Variants in AP5B1 observed in about 807,000 individuals in gnomAD.
AP5B1 encodes adaptor related protein complex 5 subunit beta 1.
Under a neutral mutation model 5.7 loss-of-function variants are expected in AP5B1, and 3 were observed. The observed-to-expected ratio is 0.53, with a 90% confidence interval of 0.24 to 1.36. The LOEUF (loss-of-function observed/expected upper bound fraction) is 1.36. AP5B1 is among the 40% of genes most tolerant of loss of function. AP5B1 has a pLI of 0.17. For missense variants in AP5B1, 1,310 were observed against 1,143.2 expected (o/e 1.15, Z -2.10); for synonymous variants, 696 against 555.5 (o/e 1.25, Z -3.56).
chr11:65,779,710 A>G lies in AP5B1; in HGVS notation c.783T>C (p.Pro261=). The change falls in exon 2 of 2, where the codon CCT becomes CCC. Residue 261 remains proline (P), a synonymous_variant. Coordinates refer to ENST00000532090, the MANE Select transcript of AP5B1 (RefSeq NM_138368.5). ...ERSLTAREHS[P]EEARELRAAV... is the part of the protein sequence containing the mutation. ...CAGCCCGCAGCTCCCGCGCCTCCTC[A>G]GGGCTGTGCTCTCGTGCTGTAAGGC... 3 of 1,611,222 alleles carry G rather than the reference A, an allele frequency of 1.9e-6. No homozygotes were observed. The highest frequency in any genetic ancestry group is 2.5e-6 in the Non-Finnish European group (3 of 1,178,932).
rs372599668 is a variant in AP5B1 at position 65,778,104 on chromosome 11, G to A, written c.2389C>T (p.Arg797Cys). The change falls in exon 2 of 2, where the codon CGT (arginine) becomes TGT (cysteine). Residue 797 changes from arginine to cysteine, a missense_variant. Physicochemically the swap from Arg to Cys is radical, Grantham distance 180. Transcript: ENST00000532090. Reference sequence around the variant, plus strand: ...TGTGGCCCAAGTGGACACCACACACGACTCTCAGCACCCTCTGGCAGGCAG... The same window carrying A: ...TGTGGCCCAAGTGGACACCACACACAACTCTCAGCACCCTCTGGCAGGCAG... ...DSCLPEGAES[R>C]VWCPLGPQGL... 65 of 1,612,820 alleles carry A rather than the reference G, an allele frequency of 4.0e-5. No individual in the cohort carries two copies. The highest frequency in any genetic ancestry group is 3.3e-4 in the Middle Eastern group (2 of 6,062).
Position 65,778,468 on chromosome 11 carries a change from G to A in AP5B1, c.2025C>T (p.Gly675=), listed in dbSNP as rs370497772. The A allele has an allele frequency of 1.3e-6, 2 of 1,572,092 alleles. No homozygotes were observed. The highest frequency in any genetic ancestry group is 1.1e-5 in the South Asian group (1 of 87,090). The change falls in exon 2 of 2, where the codon GGC becomes GGT. Residue 675 remains glycine (G), a synonymous_variant. Transcript: ENST00000532090. ...RLSLGSHRVK[G]PLPVLKLQPE... Reference sequence around the variant, plus strand: ...GCTGGAGCTTCAACACTGGGAGTGGGCCCTTGACCCGATGGGACCCCAGGC... The same window carrying A: ...GCTGGAGCTTCAACACTGGGAGTGGACCCTTGACCCGATGGGACCCCAGGC...
rs1302073430 is a variant in AP5B1 at position 65,779,983 on chromosome 11, C to T, written c.510G>A (p.Gly170=). The T allele has an allele frequency of 6.4e-7, 1 of 1,572,872 alleles. No individual in the cohort carries two copies. Among genetic ancestry groups the T allele is most frequent in the Admixed American group, 1.9e-5 (1 of 53,608 alleles). The part of the protein sequence containing the change: ...CKPGLLGGSL[G]LLRGLLGQEG... The stretch of plus-strand genomic sequence containing the variant: ...CCTGCCCCAGCAGGCCCCGCAGCAA[C>T]CCCAGGGAGCCCCCCAGCAGCCCGG... The change falls in exon 2 of 2, where the codon GGG becomes GGA. Residue 170 remains glycine, a synonymous_variant. Transcript: ENST00000532090.
Position 65,779,764 on chromosome 11 carries a change from C to T in AP5B1, c.729G>A (p.Pro243=). The part of the protein sequence containing the change: ...GRLQPQAPSW[P]AAEEGEGERS... ...GCTCCCCCTCTCCCTCCTCAGCTGC[C>T]GGCCAGCTGGGTGCCTGGGGCTGAA... The change falls in exon 2 of 2, where the codon CCG becomes CCA. Residue 243 remains proline, a synonymous_variant. Transcript: ENST00000532090. The T allele has an allele frequency of 6.3e-7, 1 of 1,586,962 alleles. No homozygotes were observed. Among genetic ancestry groups the T allele is most frequent in the East Asian group, 2.2e-5 (1 of 44,630 alleles).
rs1170898124 is a variant in AP5B1 at position 65,780,350 on chromosome 11, G to C, written c.151-8C>G. On this transcript the variant is annotated splice_region_variant and splice_polypyrimidine_tract_variant and intron_variant, in intron 1 of 1. Coordinates refer to ENST00000532090, the MANE Select transcript of AP5B1 (RefSeq NM_138368.5). ...CAGGGCCAGCAGGGAAACCTGGATG[G>C]GGGATTAGGAGGGAATCACGAAGAT... 2.0e-6 allele frequency: 3 copies of C among 1,466,740 alleles called. No homozygotes were observed. In the South Asian group the frequency reaches 4.2e-5, roughly 20 times the overall value. The allele number at this position is 1,466,740 out of a possible 1,614,324, so 90.9% of individuals were successfully genotyped here. A position where few individuals can be genotyped will look rare whatever the true frequency, so the allele number is the denominator to read the frequency against.
chr11:65,780,090 G>T lies in AP5B1; in HGVS notation c.403C>A (p.Arg135=). The change falls in exon 2 of 2, where the codon CGA becomes AGA. Residue 135 remains arginine (R), a synonymous_variant. Coordinates refer to ENST00000532090, the MANE Select transcript of AP5B1 (RefSeq NM_138368.5). The stretch of plus-strand genomic sequence containing the variant: ...TGTTCCGAGGCGGGGACAAAGCCTC[G>T]CCCCAGATCGCTACCCGCGGCCAGG... ...LGLAAGSDLG[R]GFVPASEQRP... 1 of 1,524,702 alleles carries T rather than the reference G, an allele frequency of 6.6e-7. No individual in the cohort carries two copies. Among genetic ancestry groups the T allele is most frequent in the Non-Finnish European group, 8.8e-7 (1 of 1,135,148 alleles). 94.4% of individuals were successfully genotyped at this position (1,524,702 alleles called of 1,614,324 possible).
Position 65,780,006 on chromosome 11 carries a change from C to T in AP5B1, c.487G>A (p.Gly163Arg), listed in dbSNP as rs757524256. The change falls in exon 2 of 2, where the codon GGG (glycine) becomes AGG (arginine). Residue 163 changes from glycine (G) to arginine (R), a missense_variant. By Grantham distance (125) the Gly-to-Arg change is moderately radical (BLOSUM62 -2). Coordinates refer to ENST00000532090, the MANE Select transcript of AP5B1 (RefSeq NM_138368.5). ...AACCCCAGGGAGCCCCCCAGCAGCCCGGGCTTGCAGCTCTCTAGCTCTCGC... is the reference window on the plus strand; with the variant it reads ...AACCCCAGGGAGCCCCCCAGCAGCCTGGGCTTGCAGCTCTCTAGCTCTCGC... ...CLRELESCKP[G>R]LLGGSLGLLR... is the part of the protein sequence containing the mutation. 1.9e-6 allele frequency: 3 copies of T among 1,564,078 alleles called. No individual in the cohort carries two copies. Among genetic ancestry groups the T allele is most frequent in the Admixed American group, 1.9e-5 (1 of 52,578 alleles).
rs1357339768 is a variant in AP5B1 at position 65,775,390 on chromosome 11, A to G, written c.*2466T>C. 6.6e-6 allele frequency among the ~76,000 whole-genome samples: 1 copy of G among 152,218 alleles called. No individual in the cohort carries two copies. The highest frequency in any genetic ancestry group is 1.5e-5 in the Non-Finnish European group (1 of 68,040). ...GAAAACGTTTCTGGATTCCCTTGCCACTGGAGTTCCGTGGAAGAGAGAAAT... is the reference window on the plus strand; with the variant it reads ...GAAAACGTTTCTGGATTCCCTTGCCGCTGGAGTTCCGTGGAAGAGAGAAAT... On this transcript the variant is annotated 3_prime_UTR_variant, in exon 2 of 2. Coordinates refer to ENST00000532090, the MANE Select transcript of AP5B1 (RefSeq NM_138368.5).
rs1477500348 is a variant in AP5B1, at chr11:65,776,724, G to A, written c.*1132C>T. 1 of 152,238 alleles carries A rather than the reference G, an allele frequency of 6.6e-6. No homozygotes were observed. The highest frequency in any genetic ancestry group is 2.4e-5 in the African/African-American group (1 of 41,450). The allele number at this position is 152,238 out of a possible 1,614,324, so 9.4% of individuals were successfully genotyped here. Reference sequence around the variant, plus strand: ...GAGCTGGCTCTAATCGGCACAGCTTGGGAAGCTCTCCACCTGGCCACTGCT... The same window carrying A: ...GAGCTGGCTCTAATCGGCACAGCTTAGGAAGCTCTCCACCTGGCCACTGCT... On this transcript the variant is annotated 3_prime_UTR_variant, in exon 2 of 2. Coordinates refer to ENST00000532090, the MANE Select transcript of AP5B1 (RefSeq NM_138368.5).
Position 65,779,805 on chromosome 11 carries a change from C to T in AP5B1, c.688G>A (p.Glu230Lys). 1 of 1,587,378 alleles carries T rather than the reference C, an allele frequency of 6.3e-7. No homozygotes were observed. The highest frequency in any genetic ancestry group is 8.6e-7 in the Non-Finnish European group (1 of 1,167,092). The change falls in exon 2 of 2, where the codon GAG (glutamate) becomes AAG (lysine). Residue 230 changes from glutamate to lysine, a missense_variant. Transcript: ENST00000532090. The part of the protein sequence containing the change: ...GGPWDWTLVE[E>K]GDGRLQPQAP... Reference sequence around the variant, plus strand: ...TGGGGCTGAAGGCGTCCATCGCCCTCCTCCACTAGTGTCCAATCCCAGGGA... The same window carrying T: ...TGGGGCTGAAGGCGTCCATCGCCCTTCTCCACTAGTGTCCAATCCCAGGGA...
chr11:65,780,338 G>A lies in AP5B1; in HGVS notation c.155C>T (p.Ser52Phe), dbSNP rs752535219. 8 of 1,469,914 alleles carry A rather than the reference G, an allele frequency of 5.4e-6. No homozygotes were observed. Among genetic ancestry groups the A allele is most frequent in the Non-Finnish European group, 3.6e-6 (4 of 1,111,242 alleles). 91.1% of individuals were successfully genotyped at this position (1,469,914 alleles called of 1,614,324 possible). Residue 52 changes from serine to phenylalanine, a missense_variant, in exon 2 of 2, where the codon TCC (serine) becomes TTC (phenylalanine). Transcript: ENST00000532090. ...GTACTCCATGCTCAGGGCCAGCAGG[G>A]AAACCTGGATGGGGGATTAGGAGGG... ...SEKLSEQTKVSLLALSMEYPA... is the reference protein window; with the variant it reads ...SEKLSEQTKVFLLALSMEYPA...
Position 65,780,784 on chromosome 11 carries a change from C to T in AP5B1, c.-193G>A. 1 of 473,684 alleles carries T rather than the reference C, an allele frequency of 2.1e-6. No homozygotes were observed. Among genetic ancestry groups the T allele is most frequent in the East Asian group, 3.8e-5 (1 of 26,032 alleles). The allele number at this position is 473,684 out of a possible 1,614,324, so 29.3% of individuals were successfully genotyped here. A position where few individuals can be genotyped will look rare whatever the true frequency, so the allele number is the denominator to read the frequency against. On this transcript the variant is annotated 5_prime_UTR_variant, in exon 1 of 2. Coordinates refer to ENST00000532090, the MANE Select transcript of AP5B1 (RefSeq NM_138368.5). ...CCGACGCCAGAGCTGGGCGCCGGGG[C>T]CCTCGCGGGACAGGACAGGAGCAGG... is the stretch of plus-strand genomic sequence containing the variant.
chr11:65,779,039 G>C lies in AP5B1; in HGVS notation c.1454C>G (p.Pro485Arg). The C allele has an allele frequency of 6.2e-7, 1 of 1,607,446 alleles. No homozygotes were observed. The highest frequency in any genetic ancestry group is 2.2e-5 in the East Asian group (1 of 44,816). Residue 485 changes from proline to arginine, a missense_variant, in exon 2 of 2, where the codon CCC (proline) becomes CGC (arginine). Coordinates refer to ENST00000532090, the MANE Select transcript of AP5B1 (RefSeq NM_138368.5). ...CAGCTGGGCCAGTCCGTGGATCAAGGGGGTCAGCACCGTAGGTTGCCCAGC... is the reference window on the plus strand; with the variant it reads ...CAGCTGGGCCAGTCCGTGGATCAAGCGGGTCAGCACCGTAGGTTGCCCAGC... ...CLAGQPTVLT[P>R]LIHGLAQLYQ...
At position 65,778,837 on chromosome 11, in the gene AP5B1, G is replaced by C; in HGVS notation, c.1656C>G (p.Ala552=). Residue 552 remains alanine, a synonymous_variant, in exon 2 of 2, where the codon GCC becomes GCG. Transcript: ENST00000532090. ...GTAGAAAGTTGAGGGTAGCACTCTG[G>C]GCATCTCCATCTGCCACCTTTGCCA... ...QMLAKVADGD[A]QSATLNFLQA... 1.9e-6 allele frequency: 3 copies of C among 1,609,978 alleles called. No individual in the cohort carries two copies. Among genetic ancestry groups the C allele is most frequent in the Non-Finnish European group, 2.5e-6 (3 of 1,178,224 alleles).
chr11:65,777,494 G>A lies in AP5B1; in HGVS notation c.*362C>T, dbSNP rs1203398077. 4 of 230,944 alleles carry A rather than the reference G, an allele frequency of 1.7e-5. No individual in the cohort carries two copies. The highest frequency in any genetic ancestry group is 2.3e-5 in the African/African-American group (1 of 44,116). The allele number at this position is 230,944 out of a possible 1,614,324, so 14.3% of individuals were successfully genotyped here. A position where few individuals can be genotyped will look rare whatever the true frequency, so the allele number is the denominator to read the frequency against. ...CTGCCCTCCTGCGTGGACTCAGGCC[G>A]TTATCTTGGGAGTGGGTTCGCTCTC... On this transcript the variant is annotated 3_prime_UTR_variant, in exon 2 of 2. Transcript: ENST00000532090.
rs770882874 is a variant in AP5B1 at position 65,779,467 on chromosome 11, C to G, written c.1026G>C (p.Gln342His). The G allele has an allele frequency of 3.1e-6, 5 of 1,604,244 alleles. No homozygotes were observed. In the South Asian group the frequency reaches 5.6e-5, roughly 18 times the overall value. Residue 342 changes from glutamine (Q) to histidine (H), a missense_variant, in exon 2 of 2, where the codon CAG becomes CAC. Gln to His is a conservative substitution (Grantham distance 24). Coordinates refer to ENST00000532090, the MANE Select transcript of AP5B1 (RefSeq NM_138368.5). ...AAFGEALFTAQDEALLLRRLT... is the reference protein window; with the variant it reads ...AAFGEALFTAHDEALLLRRLT... ...GCCGGCGGAGCAGCAACGCTTCATC[C>G]TGGGCTGTGAACAAGGCCTCACCAA...
At position 65,779,242 on chromosome 11, in the gene AP5B1, A is replaced by G. The variant is rs1178174456; in HGVS notation, c.1251T>C (p.His417=). 5 of 1,595,006 alleles carry G rather than the reference A, an allele frequency of 3.1e-6. No individual in the cohort carries two copies. The highest frequency in any genetic ancestry group is 1.7e-5 in the Admixed American group (1 of 58,172). The change falls in exon 2 of 2, where the codon CAT becomes CAC. Residue 417 remains histidine (H), a synonymous_variant. Coordinates refer to ENST00000532090, the MANE Select transcript of AP5B1 (RefSeq NM_138368.5). ...HDPMALLARL[H]LLCLLCAEEE... ...CCTCGGCACAGAGCAGGCACAGTAAATGCAGGCGGGCCAGGAGGGCCATTG... is the reference window on the plus strand; with the variant it reads ...CCTCGGCACAGAGCAGGCACAGTAAGTGCAGGCGGGCCAGGAGGGCCATTG...
Position 65,779,006 on chromosome 11 carries a change from G to A in AP5B1, c.1487C>T (p.Ala496Val), listed in dbSNP as rs1857805860. ...AAAGTGGGGAGCCAGCATGGGCCGGGCTTGGTACAGCTGGGCCAGTCCGTG... is the reference window on the plus strand; with the variant it reads ...AAAGTGGGGAGCCAGCATGGGCCGGACTTGGTACAGCTGGGCCAGTCCGTG... ...LIHGLAQLYQ[A>V]RPMLAPHFVD... is the part of the protein sequence containing the mutation. The change falls in exon 2 of 2, where the codon GCC becomes GTC. Residue 496 changes from alanine (A) to valine (V), a missense_variant. By Grantham distance (64) the Ala-to-Val change is moderately conservative. Transcript: ENST00000532090. 1 of 1,610,518 alleles carries A rather than the reference G, an allele frequency of 6.2e-7. No homozygotes were observed. The highest frequency in any genetic ancestry group is 1.3e-5 in the African/African-American group (1 of 75,044).
Position 65,780,641 on chromosome 11 carries a change from G to A in AP5B1, c.-50C>T, listed in dbSNP as rs1471784063. ...AGGGAAGAGGGACCCTCAGGCCGCAGCCACCGGGAGCGCGGGGCCCGCTGC... is the reference window on the plus strand; with the variant it reads ...AGGGAAGAGGGACCCTCAGGCCGCAACCACCGGGAGCGCGGGGCCCGCTGC... On this transcript the variant is annotated 5_prime_UTR_variant, in exon 1 of 2. Coordinates refer to ENST00000532090, the MANE Select transcript of AP5B1 (RefSeq NM_138368.5). 9.2e-6 allele frequency: 12 copies of A among 1,299,820 alleles called. No homozygotes were observed. The African/African-American group carries it at 1.9e-4, about 20-fold the overall frequency. 80.5% of individuals were successfully genotyped at this position (1,299,820 alleles called of 1,614,324 possible). A position where few individuals can be genotyped will look rare whatever the true frequency, so the allele number is the denominator to read the frequency against.
Sources: gnomAD v4.1 joint callset for allele counts (sites outside exome capture counted in the v4.1 genomes callset) on GRCh38, gnomAD v4.1.1 for gene constraint, MANE v1.5 for transcripts, NCBI Gene and HGNC (gene_info 2026-07-23, HGNC 2026-07-21) for gene names.